The following NRXN2 variants were observed in gnomAD, a reference collection of about 807,000 sequenced individuals.
NRXN2 encodes neurexin 2, also known as neurexin-2-beta.
In NRXN2, 29 loss-of-function variants were observed where a neutral mutation model predicts 128.8. That is an observed-to-expected ratio of 0.23 (90% CI 0.17 to 0.31). The LOEUF is 0.31. NRXN2 is among the 10% of genes least tolerant of loss of function. The pLI is 1.00. For synonymous variants in NRXN2, 1,098 were observed against 1,075.2 expected, an observed-to-expected ratio of 1.02 and a Z score of -0.41; for missense variants, 1,881 against 2,452.6, an observed-to-expected ratio of 0.77 and a Z score of 4.92.
rs989825048 is a variant in NRXN2 at position 64,660,166 on chromosome 11, G to A, written c.2389+166C>T. On this transcript the variant is annotated intron_variant, in intron 11 of 22. Coordinates refer to ENST00000265459, the MANE Select transcript of NRXN2 (RefSeq NM_015080.4). The surrounding 1 kb of genome is among the most constrained non-coding windows in gnomAD (Gnocchi z 5.2). ...GCCCTACACTGTGCGTCCTCACCAG[G>A]GACAGAGCTCTCAGGGTCTCTGACC... Among the ~76,000 whole-genome samples the A allele has an allele frequency of 1.3e-5, 2 of 152,156 alleles. No homozygotes were observed. The highest frequency in any genetic ancestry group is 2.4e-5 in the African/African-American group (1 of 41,428).
At chr11:64,659,095 T>A (rs1047371616) in intron 11 of NRXN2, among the ~76,000 whole-genome samples, 1 of 152,242 alleles carries the variant, frequency 6.6e-6, no homozygotes, top group Non-Finnish European at 1.5e-5. Context: ...AGAAGAGCCC[T>A]GCTTCCCCTC....
intron 18 of NRXN2, among the ~76,000 whole-genome samples, chr11:64,633,058 C>A (rs1349332770): frequency 6.6e-6 from 1 of 152,146 alleles, no homozygotes; most frequent in Admixed American, 6.5e-5. Flanking sequence ...TCTCATGGAC[C>A]CCCACCCTTG....
Position 64,645,137 on chromosome 11 carries a change from G to C in NRXN2, c.3403+3082C>G, listed in dbSNP as rs11604367. On this transcript the variant is annotated intron_variant, in intron 17 of 22. Coordinates refer to ENST00000265459, the MANE Select transcript of NRXN2 (RefSeq NM_015080.4). ...CAGGGCTGGGGCCCCCAGAGGCCAC[G>C]TCCTCCTGCCCTCTCTATCACGTTC... is the stretch of plus-strand genomic sequence containing the variant. Among the ~76,000 whole-genome samples, 1,427 of 152,322 alleles carry C rather than the reference G, an allele frequency of 9.4e-3. 11 individuals are homozygous for C. The highest frequency in any genetic ancestry group is 0.015 in the Non-Finnish European group (998 of 68,026).
At chr11:64,624,938 C>T (rs2042885814) in intron 20 of NRXN2, among the ~76,000 whole-genome samples, 1 of 152,204 alleles carries the variant, frequency 6.6e-6, no homozygotes, top group South Asian at 2.1e-4. Flanking sequence ...TCCTCTCACC[C>T]TCACAACATG....
intron 8 of NRXN2, among the ~76,000 whole-genome samples, chr11:64,668,120 CCA>C (rs1459305767): frequency 5.9e-5 from 9 of 152,222 alleles, no homozygotes; most frequent in Admixed American, 1.3e-4. Context: ...AGTGACTTGA[CCA>C]CAGTCACAGA....
At chr11:64,620,235 C>A in intron 22 of NRXN2, 59 bp downstream of exon 22, 3 of 1,383,876 alleles carry the variant, frequency 2.2e-6, no homozygotes, top group Non-Finnish European at 3.0e-6. Context: ...GGACAGTCGC[C>A]CCCCTCCCAG....
intron 9 of NRXN2, 73 bp from the exon 10 acceptor site, chr11:64,661,212 GC>G: frequency 6.2e-7 from 1 of 1,601,810 alleles, no homozygotes. Flanking sequence ...TGCCAAGAAG[GC>G]CCCCCACCTT....
chr11:64,607,072 T>G lies in NRXN2; in HGVS notation c.*124A>C. 5.6e-6 allele frequency: 6 copies of G among 1,063,078 alleles called. No homozygotes were observed. Among genetic ancestry groups the G allele is most frequent in the Non-Finnish European group, 8.0e-6 (6 of 748,330 alleles). 65.9% of individuals were successfully genotyped at this position (1,063,078 alleles called of 1,614,324 possible). On this transcript the variant is annotated 3_prime_UTR_variant, in exon 23 of 23. Coordinates refer to ENST00000265459, the MANE Select transcript of NRXN2 (RefSeq NM_015080.4). ...TCCTTTTCTTTTTTTGCGTTTCCTC[T>G]TCGTAAGAGAAGCCTGAGGCAGCCA...
intron 7 of NRXN2, among the ~76,000 whole-genome samples, chr11:64,674,648 T>C (rs1490788007): frequency 6.6e-6 from 1 of 152,226 alleles, no homozygotes; most frequent in South Asian, 2.1e-4. Context: ...ACAGTTATTT[T>C]GGGACTGATT....
chr11:64,625,551 C>T (rs935602896), intron 20 of NRXN2, among the ~76,000 whole-genome samples: 5 of 152,092 alleles, frequency 3.3e-5, no homozygotes, highest in African/African-American at 1.2e-4. Flanking sequence ...TGGGGAAGGC[C>T]CCAGTGGACA....
chr11:64,701,088 CCCTCT>C (rs1408446718), intron 2 of NRXN2, among the ~76,000 whole-genome samples: 1 of 152,192 alleles, frequency 6.6e-6, no homozygotes, highest in African/African-American at 2.4e-5. Flanking sequence ...CCTGATCAGT[CCCTCT>C]CCTTGGAACA....
chr11:64,703,953 A>G (rs1260577224), intron 2 of NRXN2, among the ~76,000 whole-genome samples: 1 of 152,220 alleles, frequency 6.6e-6, no homozygotes, highest in East Asian at 1.9e-4. Flanking sequence ...AACAAGTAGC[A>G]AAGCTAGGTT....
intron 11 of NRXN2, among the ~76,000 whole-genome samples, chr11:64,655,095 A>AG (rs961279178): frequency 6.6e-6 from 1 of 152,192 alleles, no homozygotes; most frequent in African/African-American, 2.4e-5. Flanking sequence ...CAGGAAGCAA[A>AG]GGGGGTGGGC....
chr11:64,665,701 C>T (rs900569868), intron 9 of NRXN2, among the ~76,000 whole-genome samples: 1 of 152,224 alleles, frequency 6.6e-6, no homozygotes, highest in Non-Finnish European at 1.5e-5. Context: ...GGAGCGGTCA[C>T]TCCACCCAAA....
At chr11:64,662,024 G>A (rs1432183063) in intron 9 of NRXN2, among the ~76,000 whole-genome samples, 6 of 151,698 alleles carry the variant, frequency 4.0e-5, no homozygotes, top group African/African-American at 1.2e-4. Context: ...AGGCCGAGGC[G>A]GATGGATCAC....
chr11:64,669,247 A>G (rs2050306708), intron 7 of NRXN2, among the ~76,000 whole-genome samples: 1 of 152,194 alleles, frequency 6.6e-6, no homozygotes, highest in Admixed American at 6.5e-5. Context: ...CCACCCCTGC[A>G]GCCCAATCTC....
intron 19 of NRXN2, among the ~76,000 whole-genome samples, chr11:64,627,789 C>T (rs1280313044): frequency 6.6e-6 from 1 of 152,110 alleles, no homozygotes; most frequent in Non-Finnish European, 1.5e-5. Context: ...AGAATCTGGC[C>T]ACTCCTCCCA....
chr11:64,722,914 G>T (rs1487759087), intron 1 of NRXN2, 57 bp downstream of exon 1: 1 of 22,370 alleles, frequency 4.5e-5, no homozygotes, highest in Admixed American at 6.6e-4. Flanking sequence ...CCCCTCCCCC[G>T]ATCGGCTCCC....
In NRXN2 at chr11:64,656,898, C is replaced by T. The variant is rs377490342; in HGVS notation, c.2390-3176G>A. Among the ~76,000 whole-genome samples, 241 of 152,298 alleles carry T rather than the reference C, an allele frequency of 1.6e-3. 2 individuals carry two copies. Among genetic ancestry groups the T allele is most frequent in the African/African-American group, 5.6e-3 (231 of 41,560 alleles). ...TTAGGATCCTCTGCCTGGAAAGAGG[C>T]AGCAGTGCCTTTTTGTCCCTCTCTT... On this transcript the variant is annotated intron_variant, in intron 11 of 22. Transcript: ENST00000265459.
Sources: allele counts gnomAD v4.1 joint callset (sites outside exome capture counted in the v4.1 genomes callset), GRCh38; gene constraint gnomAD v4.1.1; non-coding constraint Gnocchi (gnomAD v3.1); transcripts MANE v1.5; gene names NCBI Gene and HGNC (gene_info 2026-07-23, HGNC 2026-07-21).